Variants in DRC7 observed in about 807,000 individuals in gnomAD.
DRC7 encodes dynein regulatory complex subunit 7, also known as coiled-coil domain containing 135.
In DRC7, 80 loss-of-function variants were observed where a neutral mutation model predicts 104.4. The observed-to-expected ratio is 0.77, with a 90% confidence interval of 0.64 to 0.92. DRC7 has a LOEUF of 0.92. Ranked by LOEUF, DRC7 falls within the 40% of genes least tolerant of loss-of-function variation. The pLI is 0.00. For missense variants in DRC7, 1,034 were observed against 1,141.1 expected (o/e 0.91, Z 1.35); for synonymous variants, 405 against 447.3 (o/e 0.91, Z 1.19).
At position 57,726,912 on chromosome 16, in the gene DRC7, C is replaced by T. The variant is rs2967125; in HGVS notation, c.2055C>T (p.Ser685=). The stretch of plus-strand genomic sequence containing the variant: ...ACCTGAAGAGGGAGGAGAAGCTGTC[C>T]AGACATCAGGTCTGGGAGTCAGAGC... ...MMHLKREEKL[S]RHQVWESELE... is the part of the protein sequence containing the mutation. The change falls in exon 15 of 19, where the codon TCC becomes TCT. Residue 685 remains serine (S), a synonymous_variant. Transcript: ENST00000360716. The T allele has an allele frequency of 0.024, 38,594 of 1,612,406 alleles. 2,957 individuals are homozygous for T. The East Asian group carries it at 0.26, about 11-fold the overall frequency.
chr16:57,712,505 C>T (rs562646572), intron 8 of DRC7, among the ~76,000 whole-genome samples: 9 of 152,140 alleles, frequency 5.9e-5, no homozygotes, highest in Non-Finnish European at 1.0e-4. Context: ...GTCAATAAAC[C>T]AGTTTTTGGT....
At chr16:57,718,610 A>G in intron 9 of DRC7, 135 bp downstream of exon 9, 1 of 1,097,764 alleles carries the variant, frequency 9.1e-7, no homozygotes, top group Non-Finnish European at 1.3e-6. Context: ...CAAAGCAGGA[A>G]GGCTTGAGCA....
Position 57,699,043 on chromosome 16 carries a change from G to A in DRC7, c.378+19G>A. 2 of 1,610,998 alleles carry A rather than the reference G, an allele frequency of 1.2e-6. No individual in the cohort carries two copies. The highest frequency in any genetic ancestry group is 1.7e-6 in the Non-Finnish European group (2 of 1,178,204). On this transcript the variant is annotated intron_variant, in intron 4 of 18. Coordinates refer to ENST00000360716, the MANE Select transcript of DRC7 (RefSeq NM_001289162.2). ...AGTGCCCGTAAGGCTGGCATGTTGA[G>A]GGCAGGGCTGGGGAGCCTGGGGCTG...
chr16:57,695,834 C>T (rs1177791375), intron 1 of DRC7, among the ~76,000 whole-genome samples: 7 of 152,230 alleles, frequency 4.6e-5, no homozygotes, highest in Admixed American at 4.6e-4. Flanking sequence ...GAGCTACTGG[C>T]AAAGCCAGGG....
rs779149987 is a variant in DRC7, at chr16:57,727,323, GA to G, written c.2111del (p.Glu704GlyfsTer9). 7.4e-6 allele frequency: 12 copies of G among 1,613,362 alleles called. No individual in the cohort carries two copies. The South Asian group carries it at 1.3e-4, about 18-fold the overall frequency. ...LEVLEILKLR[E>X]EEEAAHTLTI... ...GGTGCTGGAGATTCTGAAGCTTCGA[GA>G]GGAAGAGGAGGCGGCGCACACACTG... On this transcript the variant is annotated frameshift_variant, in exon 16 of 19. Transcript: ENST00000360716. LOFTEE classifies it high-confidence loss of function.
intron 8 of DRC7, among the ~76,000 whole-genome samples, chr16:57,716,732 T>G (rs1181971563): frequency 6.6e-6 from 1 of 151,978 alleles, no homozygotes; most frequent in Non-Finnish European, 1.5e-5. Flanking sequence ...AGGCTTAGAG[T>G]TGGCTTCAGG....
intron 8 of DRC7, among the ~76,000 whole-genome samples, chr16:57,709,060 C>T (rs952383428): frequency 6.1e-5 from 9 of 147,462 alleles, no homozygotes; most frequent in Non-Finnish European, 1.2e-4. Context: ...ATCTGGGAGG[C>T]GGAGGTTGTA....
chr16:57,718,433 A>C lies in DRC7; in HGVS notation c.1164A>C (p.Glu388Asp), dbSNP rs757600500. 6.2e-7 allele frequency: 1 copy of C among 1,614,168 alleles called. No individual in the cohort carries two copies. The highest frequency in any genetic ancestry group is 1.7e-5 in the Admixed American group (1 of 60,028). Residue 388 changes from glutamate (E) to aspartate (D), a missense_variant, in exon 9 of 19, where the codon GAA becomes GAC. Glu to Asp is a conservative substitution (Grantham distance 45). Coordinates refer to ENST00000360716, the MANE Select transcript of DRC7 (RefSeq NM_001289162.2). Reference sequence around the variant, plus strand: ...AGTCTCAGCTGTCCTTGACTGAAGAAGACGACAGTGGGATAAACGATGAGG... The same window carrying C: ...AGTCTCAGCTGTCCTTGACTGAAGACGACGACAGTGGGATAAACGATGAGG... ...TDKSQLSLTE[E>D]DDSGINDEDD...
Position 57,707,571 on chromosome 16 carries a change from A to G in DRC7, c.970A>G (p.Thr324Ala). The G allele has an allele frequency of 6.2e-7, 1 of 1,613,568 alleles. No individual in the cohort carries two copies. Among genetic ancestry groups the G allele is most frequent in the Non-Finnish European group, 8.5e-7 (1 of 1,180,012 alleles). Residue 324 changes from threonine to alanine, a missense_variant, in exon 8 of 19, where the codon ACA becomes GCA. Physicochemically the swap from Thr to Ala is moderately conservative, Grantham distance 58. Transcript: ENST00000360716. ...TGAGAACTTCTTCATCGACCCATTC[A>G]CAGGACATAGCTACAGCACCCAGGA... ...VPENFFIDPF[T>A]GHSYSTQDEH...
Position 57,729,609 on chromosome 16 carries a change from A to G in DRC7, c.2391+1025A>G, listed in dbSNP as rs935319155. 7.8e-3 allele frequency among the ~76,000 whole-genome samples: 66 copies of G among 8,494 alleles called. 1 individual carries two copies. The highest frequency in any genetic ancestry group is 0.016 in the Admixed American group (9 of 560). 5.6% of individuals were successfully genotyped at this position (8,494 alleles called of 152,430 possible). On this transcript the variant is annotated intron_variant, in intron 17 of 18. Coordinates refer to ENST00000360716, the MANE Select transcript of DRC7 (RefSeq NM_001289162.2). ...GGGTGGGTGGATGGATGGATGGGTGAGTGAGTGGGTGGGTGGATGGATGAG... is the reference window on the plus strand; with the variant it reads ...GGGTGGGTGGATGGATGGATGGGTGGGTGAGTGGGTGGGTGGATGGATGAG...
intron 8 of DRC7, among the ~76,000 whole-genome samples, chr16:57,711,298 T>C (rs1037610190): frequency 1.2e-3 from 180 of 152,384 alleles, no homozygotes; most frequent in African/African-American, 4.1e-3. Context: ...TTAGTGACAT[T>C]ACCCCATTCA....
intron 3 of DRC7, among the ~76,000 whole-genome samples, chr16:57,698,563 G>A (rs1395910882): frequency 6.6e-6 from 1 of 152,068 alleles, no homozygotes; most frequent in Non-Finnish European, 1.5e-5. Context: ...GTGTGGTGGT[G>A]CCTATAGTCC....
Position 57,722,720 on chromosome 16 carries a change from G to A in DRC7, c.1287G>A (p.Glu429=). Residue 429 remains glutamate, a synonymous_variant, in exon 11 of 19, where the codon GAG becomes GAA. Transcript: ENST00000360716. ...EQIEISPEAF[E]TRCPNGKKVI... is the part of the protein sequence containing the mutation. ...AGCTGACTGTGTCCACAGCATTTGA[G>A]ACCCGCTGCCCGAACGGGAAGAAGG... is the stretch of plus-strand genomic sequence containing the variant. 1.9e-6 allele frequency: 3 copies of A among 1,613,672 alleles called. No homozygotes were observed. The highest frequency in any genetic ancestry group is 2.5e-6 in the Non-Finnish European group (3 of 1,179,974).
intron 17 of DRC7, among the ~76,000 whole-genome samples, chr16:57,729,683 G>GTGGA (rs1188089377): frequency 0.037 from 1,963 of 53,238 alleles, 204 homozygotes; most frequent in African/African-American, 0.072. Context: ...GGGTGGGTGG[G>GTGGA]TGGATGGATG....
chr16:57,728,817 G>GTGA (rs2049006256), intron 17 of DRC7, among the ~76,000 whole-genome samples: 1 of 139,410 alleles, frequency 7.2e-6, no homozygotes, highest in African/African-American at 2.6e-5. Flanking sequence ...TGGGTGGGTG[G>GTGA]GTGGGTGGAT....
chr16:57,702,283 G>A (rs2048668696), intron 6 of DRC7, among the ~76,000 whole-genome samples, 153 bp downstream of exon 6: 1 of 152,098 alleles, frequency 6.6e-6, no homozygotes, highest in Non-Finnish European at 1.5e-5. Flanking sequence ...CGCTGCCCTG[G>A]AGTTCATATT....
At chr16:57,712,666 T>A (rs1255114405) in intron 8 of DRC7, among the ~76,000 whole-genome samples, 1 of 135,020 alleles carries the variant, frequency 7.4e-6, no homozygotes, top group African/African-American at 3.0e-5. Flanking sequence ...AAGACTGTTT[T>A]TTGTTTTGTT....
At chr16:57,698,720 A>G in intron 3 of DRC7, 130 bp from the exon 4 acceptor site, 1 of 838,384 alleles carries the variant, frequency 1.2e-6, no homozygotes, top group East Asian at 2.4e-5. Flanking sequence ...TGCAGATGTT[A>G]ATGATACCTG....
intron 17 of DRC7, among the ~76,000 whole-genome samples, chr16:57,730,193 GTGGATGGATGAA>G (rs1434577212): frequency 7.0e-6 from 1 of 143,784 alleles, no homozygotes; most frequent in African/African-American, 2.6e-5. Flanking sequence ...GAGTGGGTGA[GTGGATGGATGAA>G]TGGATGGATG....
Sources: allele counts gnomAD v4.1 joint callset (sites outside exome capture counted in the v4.1 genomes callset), GRCh38; gene constraint gnomAD v4.1.1; transcripts MANE v1.5; gene names NCBI Gene and HGNC (gene_info 2026-07-23, HGNC 2026-07-21).